The following NSMCE2 variants were observed in gnomAD, a reference collection of about 807,000 sequenced individuals.
The protein encoded by NSMCE2 is E3 SUMO-protein ligase NSE2.
NSMCE2 carries 24 observed loss-of-function variants against 23.8 expected under a neutral mutation model. The observed-to-expected ratio is 1.01, with a 90% CI of 0.73 to 1.42. NSMCE2 has a LOEUF of 1.42. Ranked by LOEUF, NSMCE2 falls within the 40% of genes most tolerant of loss-of-function variation. The pLI is 0.00. For missense variants in NSMCE2, 284 were observed against 296.5 expected, an observed-to-expected ratio of 0.96 and a Z score of 0.31; for synonymous variants, 92 against 94.1, an observed-to-expected ratio of 0.98 and a Z score of 0.13.
rs1586816792 is a variant in NSMCE2, at chr8:125,357,706, T to G, written c.520-6T>G. 2 of 1,600,370 alleles carry G rather than the reference T, an allele frequency of 1.2e-6. No homozygotes were observed. Among genetic ancestry groups the G allele is most frequent in the Non-Finnish European group, 1.7e-6 (2 of 1,167,606 alleles). On this transcript the variant is annotated splice_region_variant and splice_polypyrimidine_tract_variant and intron_variant, in intron 6 of 7. Transcript: ENST00000287437. ...TCCTGAAAGCCCAACATCTCCTTGA[T>G]TACAGGAGGAAATGAAGAAGCCAGT...
intron 5 of NSMCE2, among the ~76,000 whole-genome samples, chr8:125,297,816 AGAGT>A (rs1828388115): frequency 6.6e-6 from 1 of 150,798 alleles, no homozygotes; most frequent in Non-Finnish European, 1.5e-5. Flanking sequence ...GCCCATCAAC[AGAGT>A]GAGACTCTGT....
intron 5 of NSMCE2, among the ~76,000 whole-genome samples, chr8:125,220,974 G>A (rs917489023): frequency 4.6e-5 from 7 of 152,122 alleles, no homozygotes; most frequent in Admixed American, 1.3e-4. Flanking sequence ...AAAATATCTC[G>A]AAGGTATTTT....
At chr8:125,308,930 C>T (rs904273912) in intron 5 of NSMCE2, among the ~76,000 whole-genome samples, 2 of 152,188 alleles carry the variant, frequency 1.3e-5, no homozygotes, top group Non-Finnish European at 1.5e-5. Flanking sequence ...GTGGGGCCAG[C>T]GTGCAGCTGT....
At position 125,222,764 on chromosome 8, in the gene NSMCE2, C is replaced by A. The variant is rs560436245; in HGVS notation, c.418+40508C>A. Among the ~76,000 whole-genome samples the A allele has an allele frequency of 2.6e-5, 4 of 152,156 alleles. No homozygotes were observed. The South Asian group carries it at 8.3e-4, about 32-fold the overall frequency. On this transcript the variant is annotated intron_variant, in intron 5 of 7. Transcript: ENST00000287437. ...TACCACATTTTTTAAATCTGTTCAT[C>A]GATGAGAGACTCTTAGAGGCGGGGT... is the stretch of plus-strand genomic sequence containing the variant.
At chr8:125,295,054 A>T (rs1378463066) in intron 5 of NSMCE2, among the ~76,000 whole-genome samples, 2 of 152,170 alleles carry the variant, frequency 1.3e-5, no homozygotes, top group African/African-American at 4.8e-5. Context: ...AATAGGTTGG[A>T]CTTTCTTGAA....
chr8:125,325,276 A>G (rs1255064716), intron 5 of NSMCE2, among the ~76,000 whole-genome samples: 1 of 151,394 alleles, frequency 6.6e-6, no homozygotes, highest in Non-Finnish European at 1.5e-5. Context: ...TGGGTAACAT[A>G]GCCAAACCCC....
chr8:125,222,682 T>C (rs1824917275), intron 5 of NSMCE2, among the ~76,000 whole-genome samples: 1 of 152,240 alleles, frequency 6.6e-6, no homozygotes, highest in African/African-American at 2.4e-5. Flanking sequence ...ATCCATGTTG[T>C]TGCAAATGAC....
chr8:125,244,459 C>CT (rs1454173222), intron 5 of NSMCE2, among the ~76,000 whole-genome samples: 1 of 152,096 alleles, frequency 6.6e-6, no homozygotes, highest in Non-Finnish European at 1.5e-5. Context: ...CAAAATGTAG[C>CT]TTTAAATTAA....
At chr8:125,281,091 G>A (rs767874859) in intron 5 of NSMCE2, among the ~76,000 whole-genome samples, 3 of 152,170 alleles carry the variant, frequency 2.0e-5, no homozygotes, top group Non-Finnish European at 4.4e-5. Context: ...GTTATAAGCC[G>A]ATTAAGATAG....
chr8:125,319,002 C>G (rs1046166053), intron 5 of NSMCE2, among the ~76,000 whole-genome samples: 7 of 152,062 alleles, frequency 4.6e-5, no homozygotes, highest in African/African-American at 1.7e-4. Context: ...AAGAAACTAC[C>G]CAAGGCCAGG....
intron 5 of NSMCE2, among the ~76,000 whole-genome samples, chr8:125,204,535 C>G (rs1001949611): frequency 1.2e-4 from 18 of 152,126 alleles, no homozygotes; most frequent in Admixed American, 6.5e-5. Context: ...TAATTTTTCC[C>G]CGTACACAAA....
intron 5 of NSMCE2, among the ~76,000 whole-genome samples, chr8:125,309,442 A>G (rs1421649916): frequency 6.6e-6 from 1 of 151,570 alleles, no homozygotes; most frequent in Non-Finnish European, 1.5e-5. Flanking sequence ...TTTTATTAAG[A>G]TCAGGTGCAG....
intron 5 of NSMCE2, among the ~76,000 whole-genome samples, chr8:125,263,720 A>G (rs909381588): frequency 3.3e-5 from 5 of 151,950 alleles, no homozygotes; most frequent in African/African-American, 1.2e-4. Context: ...ACTGCACACC[A>G]GCCTCCGTGA....
chr8:125,219,448 C>CT lies in NSMCE2; in HGVS notation c.418+37193dup, dbSNP rs1234054818. On this transcript the variant is annotated intron_variant, in intron 5 of 7. Transcript: ENST00000287437. ...AAAAATAGCTTAAGTGTGATTCACT[C>CT]TGAGTCATTTACTGCTGCTGCTGCT... 2.0e-5 allele frequency among the ~76,000 whole-genome samples: 3 copies of CT among 152,174 alleles called. No homozygotes were observed. The East Asian group carries it at 5.8e-4, about 29-fold the overall frequency.
chr8:125,159,380 C>T (rs776029118), intron 4 of NSMCE2, among the ~76,000 whole-genome samples: 7 of 152,146 alleles, frequency 4.6e-5, no homozygotes, highest in Admixed American at 3.9e-4. Flanking sequence ...TTTTACTGTA[C>T]CTTTTCTGTG....
chr8:125,348,688 C>T (rs1812888538), intron 5 of NSMCE2: 1 of 152,142 alleles, frequency 6.6e-6, no homozygotes, highest in South Asian at 2.1e-4. Context: ...GCTTGGTTCT[C>T]ATCTCTCTTG....
chr8:125,148,623 TATACTGTTA>T (rs1185463281), intron 3 of NSMCE2, among the ~76,000 whole-genome samples: 1 of 152,216 alleles, frequency 6.6e-6, no homozygotes, highest in Non-Finnish European at 1.5e-5. Flanking sequence ...AAAAGCAGTT[TATACTGTTA>T]GTCTTTGTTC....
At chr8:125,108,611 A>G (rs1818584195) in intron 3 of NSMCE2, among the ~76,000 whole-genome samples, 1 of 152,244 alleles carries the variant, frequency 6.6e-6, no homozygotes, top group Admixed American at 6.5e-5. Flanking sequence ...AAGTGCTCTC[A>G]GCCACAATGT....
chr8:125,314,326 C>T (rs887409108), intron 5 of NSMCE2, among the ~76,000 whole-genome samples: 7 of 151,906 alleles, frequency 4.6e-5, no homozygotes, highest in African/African-American at 1.7e-4. Context: ...TCACTCTTGT[C>T]GCACCCAGGC....
Sources: gnomAD v4.1 joint callset for allele counts (sites outside exome capture counted in the v4.1 genomes callset) on GRCh38, gnomAD v4.1.1 for gene constraint, MANE v1.5 for transcripts, NCBI Gene and HGNC (gene_info 2026-07-23, HGNC 2026-07-21) for gene names.